CEP43: variants seen among roughly 807,000 people sequenced by gnomAD.
CEP43 encodes the protein centrosomal protein 43.
In CEP43, 36 loss-of-function variants were observed where a neutral mutation model predicts 52.6. The observed-to-expected ratio is 0.68, with a 90% CI of 0.52 to 0.90. CEP43 has a LOEUF of 0.90. Among genes scored for constraint, CEP43 ranks in the 40% least tolerant of loss-of-function variants. The probability of loss-of-function intolerance (pLI) is 0.00; values close to 1 mark genes in which losing one functional copy is unlikely to be tolerated. For missense variants in CEP43, 506 were observed against 472.8 expected (o/e 1.07, Z -0.65); for synonymous variants, 192 against 172.4 (o/e 1.11, Z -0.89).
rs1780764133 is a variant in CEP43 at position 167,044,624 on chromosome 6, G to C, written c.*4646G>C. 1 of 856,988 alleles carries C rather than the reference G, an allele frequency of 1.2e-6. No homozygotes were observed. The highest frequency in any genetic ancestry group is 1.8e-5 in the African/African-American group (1 of 54,706). The allele number at this position is 856,988 out of a possible 1,614,324, so 53.1% of individuals were successfully genotyped here. The stretch of plus-strand genomic sequence containing the variant: ...ATGTGAAATTTATTCCCTGATACAT[G>C]TTTTTAAAAATGAATCTTGCTGCCC... On this transcript the variant is annotated 3_prime_UTR_variant, in exon 13 of 13. Coordinates refer to ENST00000366847, the MANE Select transcript of CEP43 (RefSeq NM_007045.4).
rs13194076 is a variant in CEP43 at position 167,042,949 on chromosome 6, G to C, written c.*2971G>C. On this transcript the variant is annotated 3_prime_UTR_variant, in exon 13 of 13. Coordinates refer to ENST00000366847, the MANE Select transcript of CEP43 (RefSeq NM_007045.4). The stretch of plus-strand genomic sequence containing the variant: ...CATCTTTGGGGCTGTAAACAGGCTT[G>C]AGCACTGACATGGGGCCTGGAGAAT... 2.6e-5 allele frequency: 4 copies of C among 152,306 alleles called. No individual in the cohort carries two copies. The highest frequency in any genetic ancestry group is 9.7e-5 in the African/African-American group (4 of 41,402). 9.4% of individuals were successfully genotyped at this position (152,306 alleles called of 1,614,324 possible).
chr6:167,042,836 G>GTGTGTGTGTGTGTGTGTGTGTA lies in CEP43; in HGVS notation c.*2861_*2862insGTGTGTGTGTGTGTGTGTATGT, dbSNP rs1305406432. ...ATTTTGTGTGTGTGTGTGTGTGTGT[G>GTGTGTGTGTGTGTGTGTGTGTA]TGTTTAACTATGAGCTCGTGAGAAC... is the stretch of plus-strand genomic sequence containing the variant. On this transcript the variant is annotated 3_prime_UTR_variant, in exon 13 of 13. Coordinates refer to ENST00000366847, the MANE Select transcript of CEP43 (RefSeq NM_007045.4). 1 of 153,656 alleles carries GTGTGTGTGTGTGTGTGTGTGTA rather than the reference G, an allele frequency of 6.5e-6. No homozygotes were observed. Among genetic ancestry groups the GTGTGTGTGTGTGTGTGTGTGTA allele is most frequent in the Non-Finnish European group, 1.4e-5 (1 of 69,464 alleles). 9.5% of individuals were successfully genotyped at this position (153,656 alleles called of 1,614,324 possible). A position where few individuals can be genotyped will look rare whatever the true frequency, so the allele number is the denominator to read the frequency against.
At position 167,045,368 on chromosome 6, in the gene CEP43, G is replaced by A. The variant is rs1420575023; in HGVS notation, c.*5390G>A. 2 of 99,536 alleles carry A rather than the reference G, an allele frequency of 2.0e-5. No individual in the cohort carries two copies. The highest frequency in any genetic ancestry group is 3.1e-5 in the African/African-American group (1 of 31,912). The allele number at this position is 99,536 out of a possible 1,614,324, so 6.2% of individuals were successfully genotyped here. ...ATCCGCACCCCTCCCCGCCCCCCCCGCGGCCCAGCCTCCCAAAGTGCTGGG... is the reference window on the plus strand; with the variant it reads ...ATCCGCACCCCTCCCCGCCCCCCCCACGGCCCAGCCTCCCAAAGTGCTGGG... On this transcript the variant is annotated 3_prime_UTR_variant, in exon 13 of 13. Coordinates refer to ENST00000366847, the MANE Select transcript of CEP43 (RefSeq NM_007045.4).
intron 10 of CEP43, chr6:167,028,514 T>C (rs1780400478): frequency 2.0e-6 from 2 of 984,938 alleles, no homozygotes; most frequent in Non-Finnish European, 2.4e-6. Flanking sequence ...CAATGTTGTT[T>C]TCTGTTTGGG....
rs147996761 is a variant in CEP43, at chr6:167,036,166, G to T, written c.1125+2195G>T. ...GCCATAAAATGCCAGTCATTCATGG[G>T]CCATGAAAATTCAGAAGCAGGAACT... On this transcript the variant is annotated intron_variant, in intron 12 of 12. Transcript: ENST00000366847. The T allele has an allele frequency of 3.9e-3, 3,843 of 985,364 alleles. 16 individuals carry two copies. Among genetic ancestry groups the T allele is most frequent in the Middle Eastern group, 7.3e-3 (14 of 1,914 alleles). The allele number at this position is 985,364 out of a possible 1,614,324, so 61.0% of individuals were successfully genotyped here. A position where few individuals can be genotyped will look rare whatever the true frequency, so the allele number is the denominator to read the frequency against.
In CEP43 at chr6:167,022,590, C is replaced by G. The variant is rs995424925; in HGVS notation, c.761C>G (p.Ser254Cys). 6.2e-7 allele frequency: 1 copy of G among 1,614,080 alleles called. No individual in the cohort carries two copies. The highest frequency in any genetic ancestry group is 8.5e-7 in the Non-Finnish European group (1 of 1,179,984). Residue 254 changes from serine to cysteine, a missense_variant, in exon 8 of 13, where the codon TCT becomes TGT. Ser to Cys is a moderately radical substitution (Grantham distance 112). Transcript: ENST00000366847. ...GATGAAGATGATATGGAAGGAGATT[C>G]TTTCTTTGATGATCCCATTCCTAAG... is the stretch of plus-strand genomic sequence containing the variant. ...CPDEDDMEGD[S>C]FFDDPIPKPE... is the part of the protein sequence containing the mutation.
At chr6:167,028,110 C>T (rs71571472) in intron 10 of CEP43, 5 of 985,658 alleles carry the variant, frequency 5.1e-6, no homozygotes, top group East Asian at 1.1e-4. Flanking sequence ...GACTTTACTC[C>T]TGACCTCTGC....
chr6:167,020,696 G>A (rs534845989), intron 7 of CEP43, among the ~76,000 whole-genome samples: 1 of 152,126 alleles, frequency 6.6e-6, no homozygotes, highest in East Asian at 1.9e-4. Flanking sequence ...ATCACTTGAG[G>A]TCAGAAGTTC....
intron 12 of CEP43, chr6:167,036,247 GAGGAACATGGTAAGCTCC>G (rs1370684551): frequency 1.0e-6 from 1 of 985,330 alleles, no homozygotes; most frequent in African/African-American, 1.7e-5. Context: ...GAGGGCTGAG[GAGGAACATGGTAAGCTCC>G]ATGAGAACAG....
At chr6:167,000,018 G>C (rs1779696466) in intron 1 of CEP43, 42 bp from the exon 2 acceptor site, 2 of 1,537,406 alleles carry the variant, frequency 1.3e-6, no homozygotes, top group African/African-American at 1.4e-5. Context: ...TGTGAAAATT[G>C]TCTTGAAATT....
At position 167,046,796 on chromosome 6, in the gene CEP43, G is replaced by C. The variant is rs1248672323; in HGVS notation, c.*6818G>C. 1 of 152,300 alleles carries C rather than the reference G, an allele frequency of 6.6e-6. No homozygotes were observed. Among genetic ancestry groups the C allele is most frequent in the East Asian group, 1.9e-4 (1 of 5,190 alleles). 9.4% of individuals were successfully genotyped at this position (152,300 alleles called of 1,614,324 possible). On this transcript the variant is annotated 3_prime_UTR_variant, in exon 13 of 13. Coordinates refer to ENST00000366847, the MANE Select transcript of CEP43 (RefSeq NM_007045.4). Reference sequence around the variant, plus strand: ...ACGACCATTCTGCCTCAGGGTAAGAGGCCCGGCCCTCTCAGCCTGAGTCCA... The same window carrying C: ...ACGACCATTCTGCCTCAGGGTAAGACGCCCGGCCCTCTCAGCCTGAGTCCA...
In CEP43 at chr6:167,013,512, C is replaced by G; in HGVS notation, c.524C>G (p.Pro175Arg). The G allele has an allele frequency of 6.2e-7, 1 of 1,611,818 alleles. No individual in the cohort carries two copies. Among genetic ancestry groups the G allele is most frequent in the Non-Finnish European group, 8.5e-7 (1 of 1,178,536 alleles). Reference protein sequence around the residue: ...TSAQTTPSKIPRYKGQGKKKT... With the variant: ...TSAQTTPSKIRRYKGQGKKKT... Reference sequence around the variant, plus strand: ...TCATTTTATTCTCATGCTCAGATACCAAGGTATAAAGGACAAGGTAAGAAG... The same window carrying G: ...TCATTTTATTCTCATGCTCAGATACGAAGGTATAAAGGACAAGGTAAGAAG... Residue 175 changes from proline to arginine, a missense_variant, in exon 7 of 13, where the codon CCA (proline) becomes CGA (arginine). Transcript: ENST00000366847.
At chr6:167,038,600 G>T (rs2128668699) in intron 12 of CEP43, among the ~76,000 whole-genome samples, 1 of 152,164 alleles carries the variant, frequency 6.6e-6, no homozygotes, top group South Asian at 2.1e-4. Flanking sequence ...GATTAAATTG[G>T]AATAATGGCT....
intron 2 of CEP43, among the ~76,000 whole-genome samples, chr6:167,001,138 C>T (rs1779725700): frequency 1.3e-5 from 2 of 152,216 alleles, no homozygotes; most frequent in Admixed American, 1.3e-4. Flanking sequence ...TTTATGTCCT[C>T]CTCTCCTGTC....
intron 7 of CEP43, among the ~76,000 whole-genome samples, chr6:167,014,911 C>A (rs942269433): frequency 1.2e-4 from 19 of 152,146 alleles, no homozygotes; most frequent in Non-Finnish European, 2.2e-4. Flanking sequence ...AAATCAGTTT[C>A]TTGGGCTTTT....
intron 5 of CEP43, among the ~76,000 whole-genome samples, chr6:167,004,890 C>T (rs1779817774): frequency 6.6e-6 from 1 of 152,200 alleles, no homozygotes; most frequent in Admixed American, 6.5e-5. Context: ...TAAAACTAAG[C>T]TGTTGATTTT....
chr6:167,000,020 C>T (rs1779696540), intron 1 of CEP43, 40 bp from the exon 2 acceptor site: 4 of 1,550,558 alleles, frequency 2.6e-6, no homozygotes, highest in Non-Finnish European at 3.6e-6. Context: ...TGAAAATTGT[C>T]TTGAAATTAT....
In CEP43 at chr6:167,003,483, C is replaced by A. The variant is rs765826053; in HGVS notation, c.211+236C>A. 1.8e-4 allele frequency: 92 copies of A among 508,186 alleles called. 1 individual carries two copies. Among genetic ancestry groups the A allele is most frequent in the Middle Eastern group, 5.1e-4 (1 of 1,958 alleles). 31.5% of individuals were successfully genotyped at this position (508,186 alleles called of 1,614,324 possible). A position where few individuals can be genotyped will look rare whatever the true frequency, so the allele number is the denominator to read the frequency against. On this transcript the variant is annotated intron_variant, in intron 3 of 12. Coordinates refer to ENST00000366847, the MANE Select transcript of CEP43 (RefSeq NM_007045.4). ...AAAGCCAATATTAACCATTAAAAAG[C>A]GAAACACTGAAATCTATGAGATGAT... is the stretch of plus-strand genomic sequence containing the variant.
At chr6:167,014,120 A>G (rs1780042459) in intron 7 of CEP43, among the ~76,000 whole-genome samples, 1 of 152,244 alleles carries the variant, frequency 6.6e-6, no homozygotes, top group Non-Finnish European at 1.5e-5. Context: ...TAGAGTTGAA[A>G]ATACGTATTT....
Sources: allele counts gnomAD v4.1 joint callset (sites outside exome capture counted in the v4.1 genomes callset), GRCh38; gene constraint gnomAD v4.1.1; transcripts MANE v1.5; gene names NCBI Gene and HGNC (gene_info 2026-07-23, HGNC 2026-07-21).